The following GRAMD1B variants were observed in gnomAD, a reference collection of about 807,000 sequenced individuals.
GRAMD1B encodes protein Aster-B.
GRAMD1B carries 37 observed loss-of-function variants against 99.7 expected under a neutral mutation model. That is an observed-to-expected ratio of 0.37 (90% CI 0.29 to 0.49). The LOEUF (loss-of-function observed/expected upper bound fraction) is 0.49, where lower values mean the gene tolerates loss of function less well. Ranked by LOEUF, GRAMD1B falls within the 20% of genes least tolerant of loss-of-function variation. GRAMD1B has a pLI of 0.98. For missense variants in GRAMD1B, 888 were observed against 1,009.2 expected (o/e 0.88, Z 1.63); for synonymous variants, 427 against 387.6 (o/e 1.10, Z -1.19).
chr11:123,593,230 TAAACAAAC>T (rs372424623), intron 4 of GRAMD1B, among the ~76,000 whole-genome samples: 5,737 of 151,588 alleles, frequency 0.038, 297 homozygotes, highest in African/African-American at 0.12. Context: ...AGACTCTGTC[TAAACAAAC>T]AAACAAACAA....
chr11:123,472,150 C>T (rs528087864), intron 1 of GRAMD1B, among the ~76,000 whole-genome samples: 1 of 151,588 alleles, frequency 6.6e-6, no homozygotes, highest in Non-Finnish European at 1.5e-5. Context: ...GGAACTTGAA[C>T]TCAGGAGGCA....
intron 2 of GRAMD1B, among the ~76,000 whole-genome samples, chr11:123,484,008 G>T (rs1276255583): frequency 6.6e-6 from 1 of 152,144 alleles, no homozygotes; most frequent in Non-Finnish European, 1.5e-5. Context: ...AATCAGGTAC[G>T]ATCTGATCTG....
intron 1 of GRAMD1B, among the ~76,000 whole-genome samples, chr11:123,403,447 T>C (rs554187253): frequency 2.7e-4 from 33 of 123,636 alleles, no homozygotes; most frequent in African/African-American, 1.1e-3. Context: ...ATGATGATGA[T>C]GATAATAATA....
intron 19 of GRAMD1B, 120 bp downstream of exon 19, chr11:123,619,344 T>A: frequency 3.9e-6 from 6 of 1,526,266 alleles, no homozygotes; most frequent in Non-Finnish European, 5.3e-6. Context: ...TCCAATTCAT[T>A]CTTCCTCCAG....
At chr11:123,556,110 C>T (rs1469909739) in intron 2 of GRAMD1B, among the ~76,000 whole-genome samples, 2 of 152,200 alleles carry the variant, frequency 1.3e-5, no homozygotes, top group Non-Finnish European at 1.5e-5. Context: ...AGTAACTTGT[C>T]GATCCCTGTT....
chr11:123,490,055 C>T (rs766919070), intron 2 of GRAMD1B, among the ~76,000 whole-genome samples: 7 of 152,084 alleles, frequency 4.6e-5, no homozygotes, highest in Non-Finnish European at 8.8e-5. Context: ...TAGAGCAAGC[C>T]CCCGTCTCAA....
At chr11:123,594,920 CT>C in intron 6 of GRAMD1B, 82 bp downstream of exon 6, 2 of 768,900 alleles carry the variant, frequency 2.6e-6, no homozygotes, top group East Asian at 4.9e-5. Context: ...CTTTTGCTGA[CT>C]TCATGCTCTT....
intron 2 of GRAMD1B, among the ~76,000 whole-genome samples, chr11:123,494,963 T>C (rs141751134): frequency 6.6e-6 from 1 of 152,280 alleles, no homozygotes; most frequent in Non-Finnish European, 1.5e-5. Flanking sequence ...CACTCACTGA[T>C]TAATCATGTA....
At chr11:123,428,190 A>T (rs1190847048), upstream of GRAMD1B, among the ~76,000 whole-genome samples, 9 of 152,126 alleles carry the variant, frequency 5.9e-5, no homozygotes, top group African/African-American at 2.2e-4. Flanking sequence ...AGGTTCCTTG[A>T]ACTGGGAAGT....
intron 1 of GRAMD1B, among the ~76,000 whole-genome samples, chr11:123,390,594 G>T (rs1246558019): frequency 6.6e-6 from 1 of 152,146 alleles, no homozygotes; most frequent in African/African-American, 2.4e-5. Context: ...TCTATTTATA[G>T]AATTTTATAA....
At chr11:123,463,069 C>T (rs558131278) in intron 1 of GRAMD1B, among the ~76,000 whole-genome samples, 3 of 152,090 alleles carry the variant, frequency 2.0e-5, no homozygotes, top group Admixed American at 6.5e-5. Flanking sequence ...AGTGCGATGG[C>T]GCGATCTCGG....
At chr11:123,399,775 A>G (rs929566172) in intron 1 of GRAMD1B, among the ~76,000 whole-genome samples, 2 of 152,088 alleles carry the variant, frequency 1.3e-5, no homozygotes, top group Non-Finnish European at 2.9e-5. Flanking sequence ...CCACGCCACC[A>G]CGTCTGGCTA....
chr11:123,446,709 C>G (rs531923040), intron 1 of GRAMD1B, among the ~76,000 whole-genome samples: 10 of 152,098 alleles, frequency 6.6e-5, no homozygotes, highest in Non-Finnish European at 1.5e-4. Flanking sequence ...GTAATTCTCA[C>G]GATTCATCAG....
At chr11:123,385,867 G>A (rs1042219832) in intron 1 of GRAMD1B, among the ~76,000 whole-genome samples, 2 of 152,274 alleles carry the variant, frequency 1.3e-5, no homozygotes, top group African/African-American at 4.8e-5. Context: ...GTGAGTCTGT[G>A]TGTGTGTGTA....
intron 2 of GRAMD1B, among the ~76,000 whole-genome samples, chr11:123,575,745 A>T (rs917816019): frequency 6.6e-6 from 1 of 152,032 alleles, no homozygotes; most frequent in Non-Finnish European, 1.5e-5. Flanking sequence ...AAAGGAAGGT[A>T]CCTTCCTTTC....
At chr11:123,511,732 G>A (rs1941046364) in intron 2 of GRAMD1B, among the ~76,000 whole-genome samples, 1 of 152,168 alleles carries the variant, frequency 6.6e-6, no homozygotes, top group Non-Finnish European at 1.5e-5. Flanking sequence ...ATCCTGTGTT[G>A]TGTATGGAGG....
intron 1 of GRAMD1B, among the ~76,000 whole-genome samples, chr11:123,389,958 T>C (rs866802926): frequency 6.6e-6 from 1 of 152,168 alleles, no homozygotes; most frequent in Admixed American, 6.5e-5. Context: ...GGTTTCACCA[T>C]GTTGGCCAGG....
In GRAMD1B at chr11:123,613,497, T is replaced by C. The variant is rs1953893015; in HGVS notation, c.2066T>C (p.Met689Thr). Residue 689 changes from methionine to threonine, a missense_variant, in exon 16 of 20, where the codon ATG becomes ACG. Coordinates refer to ENST00000635736, the MANE Select transcript of GRAMD1B (RefSeq NM_001387025.1). The part of the protein sequence containing the change: ...AKTESTYLAE[M>T]HRQSPKEKAS... ...ACGGAGAGCACTTATTTGGCTGAGA[T>C]GCACAGACAATCTCCCAAAGAGAAG... The C allele has an allele frequency of 9.3e-6, 15 of 1,613,142 alleles. No homozygotes were observed. The highest frequency in any genetic ancestry group is 1.3e-5 in the Non-Finnish European group (15 of 1,179,610).
chr11:123,571,062 C>T (rs1406568194), intron 2 of GRAMD1B, among the ~76,000 whole-genome samples: 2 of 152,168 alleles, frequency 1.3e-5, no homozygotes, highest in African/African-American at 4.8e-5. Context: ...AGCTGCAGTC[C>T]AAGCAGGTGG....
Sources: allele counts gnomAD v4.1 joint callset (sites outside exome capture counted in the v4.1 genomes callset), GRCh38; gene constraint gnomAD v4.1.1; transcripts MANE v1.5; gene names NCBI Gene and HGNC (gene_info 2026-07-23, HGNC 2026-07-21).